RRP1: variants seen among roughly 807,000 people sequenced by gnomAD.
RRP1 encodes the protein ribosomal RNA processing 1, also known as ribosomal RNA processing protein 1 homolog A.
In RRP1, 37 loss-of-function variants were observed where a neutral mutation model predicts 54.6. The observed-to-expected ratio is 0.68, with a 90% CI of 0.52 to 0.89. The LOEUF (loss-of-function observed/expected upper bound fraction) is 0.89, where lower values mean the gene tolerates loss of function less well. RRP1 is among the 40% of genes least tolerant of loss of function. RRP1 has a pLI of 0.00. For missense variants in RRP1, 639 were observed against 612.5 expected (o/e 1.04, Z -0.46); for synonymous variants, 262 against 244.3 (o/e 1.07, Z -0.67).
chr21:43,790,911 C>T lies in RRP1; in HGVS notation c.134-439C>T, dbSNP rs1209159325. On this transcript the variant is annotated intron_variant, in intron 1 of 12. Transcript: ENST00000497547. Reference sequence around the variant, plus strand: ...TGGCCTCAGTAATTTCTGTTTCTCTCGTAGTCTGAATGCCTGAGTTCACTT... The same window carrying T: ...TGGCCTCAGTAATTTCTGTTTCTCTTGTAGTCTGAATGCCTGAGTTCACTT... 17 of 443,412 alleles carry T rather than the reference C, an allele frequency of 3.8e-5. No individual in the cohort carries two copies. In the East Asian group the frequency reaches 9.2e-4, roughly 24 times the overall value. The allele number at this position is 443,412 out of a possible 1,614,324, so 27.5% of individuals were successfully genotyped here. A position where few individuals can be genotyped will look rare whatever the true frequency, so the allele number is the denominator to read the frequency against.
At position 43,800,531 on chromosome 21, in the gene RRP1, A is replaced by G. The variant is rs2085075872; in HGVS notation, c.906A>G (p.Ala302=). 1.2e-6 allele frequency: 2 copies of G among 1,614,248 alleles called. No homozygotes were observed. Among genetic ancestry groups the G allele is most frequent in the Non-Finnish European group, 1.7e-6 (2 of 1,180,018 alleles). The change falls in exon 10 of 13, where the codon GCA becomes GCG. Residue 302 remains alanine, a synonymous_variant. Transcript: ENST00000497547. The stretch of plus-strand genomic sequence containing the variant: ...TTTTGAAACAGTTTGACTACGAGGC[A>G]GTTGCTAACAGACTGTTTGAAATGG... ...GGPVLQFDYE[A]VANRLFEMAS...
chr21:43,800,637 TCCTCCCTGCTCC>T, intron 10 of RRP1, 23 bp downstream of exon 10: 1 of 1,593,634 alleles, frequency 6.3e-7, no homozygotes, highest in African/African-American at 1.3e-5. Context: ...GGGCGCTGCG[TCCTCCCTGCTCC>T]CCTTGGAGTT....
chr21:43,803,533 C>T lies in RRP1; in HGVS notation c.1145C>T (p.Pro382Leu), dbSNP rs563040118. Residue 382 changes from proline (P) to leucine (L), a missense_variant, in exon 13 of 13, where the codon CCG becomes CTG. Physicochemically the swap from Pro to Leu is moderately conservative, Grantham distance 98 (BLOSUM62 -3). Coordinates refer to ENST00000497547, the MANE Select transcript of RRP1 (RefSeq NM_003683.6). ...QERGKGEKEP[P>L]SPGMERKRSR... ...TCAGGGAAAGGTGAGAAGGAGCCCC[C>T]GAGCCCGGGCATGGAGAGGAAGAGG... is the stretch of plus-strand genomic sequence containing the variant. 10 of 1,556,930 alleles carry T rather than the reference C, an allele frequency of 6.4e-6. No individual in the cohort carries two copies. Among genetic ancestry groups the T allele is most frequent in the East Asian group, 4.8e-5 (2 of 41,904 alleles).
At chr21:43,799,727 G>C (rs1458961468) in intron 9 of RRP1, 78 bp downstream of exon 9, 2 of 1,348,368 alleles carry the variant, frequency 1.5e-6, no homozygotes, top group Admixed American at 3.9e-5. Flanking sequence ...GAGGAGGGGG[G>C]CGTTAGGAGG....
chr21:43,797,577 T>C (rs771098305), intron 6 of RRP1, 26 bp downstream of exon 6: 1 of 1,613,866 alleles, frequency 6.2e-7, no homozygotes, highest in Non-Finnish European at 8.5e-7. Context: ...GACGGGGCGG[T>C]GGAGCTGGGC....
rs151202428 is a variant in RRP1, at chr21:43,794,311, G to A, written c.361-878G>A. Among the ~76,000 whole-genome samples, 946 of 152,328 alleles carry A rather than the reference G, an allele frequency of 6.2e-3. 13 individuals are homozygous for A. The highest frequency in any genetic ancestry group is 6.9e-3 in the Non-Finnish European group (467 of 68,022). ...CTTAGGGACAATGGGGCTCTGCAGG[G>A]AGGCCACCCTACTGTTTTGCTGAGA... On this transcript the variant is annotated intron_variant, in intron 4 of 12. Coordinates refer to ENST00000497547, the MANE Select transcript of RRP1 (RefSeq NM_003683.6).
chr21:43,801,019 G>A lies in RRP1; in HGVS notation c.1009+138G>A, dbSNP rs183721433. 2.9e-5 allele frequency: 27 copies of A among 938,902 alleles called. No homozygotes were observed. In the East Asian group the frequency reaches 6.6e-4, roughly 23 times the overall value. The allele number at this position is 938,902 out of a possible 1,614,324, so 58.2% of individuals were successfully genotyped here. A position where few individuals can be genotyped will look rare whatever the true frequency, so the allele number is the denominator to read the frequency against. On this transcript the variant is annotated intron_variant, in intron 11 of 12. Coordinates refer to ENST00000497547, the MANE Select transcript of RRP1 (RefSeq NM_003683.6). ...GGCCTGGTGGTGTTTCTGAGGGACA[G>A]GGAGGCAGGGCGCAGGGTTCCACAG...
chr21:43,797,724 G>T, intron 7 of RRP1, 29 bp downstream of exon 7: 2 of 1,610,198 alleles, frequency 1.2e-6, no homozygotes, highest in South Asian at 2.2e-5. Context: ...GATCGGGCCC[G>T]ACTCCTTCAC....
In RRP1 at chr21:43,803,827, C is replaced by T. The variant is rs73906621; in HGVS notation, c.*53C>T. On this transcript the variant is annotated 3_prime_UTR_variant, in exon 13 of 13. Transcript: ENST00000497547. ...GGGAGGCCAGGCCTCGCTTGCACCG[C>T]GGGACGAGGCTGACCGGGCTGTTCT... 1,350 of 1,496,438 alleles carry T rather than the reference C, an allele frequency of 9.0e-4. 16 individuals are homozygous for T. In the African/African-American group the frequency reaches 0.017, roughly 19 times the overall value. The allele number at this position is 1,496,438 out of a possible 1,614,324, so 92.7% of individuals were successfully genotyped here.
rs377201851 is a variant in RRP1, at chr21:43,800,286, TGTGCCCCGCAGTGC to T, written c.892-215_892-202del. On this transcript the variant is annotated intron_variant, in intron 9 of 12. Coordinates refer to ENST00000497547, the MANE Select transcript of RRP1 (RefSeq NM_003683.6). Reference sequence around the variant, plus strand: ...GCCCCGCAGTGTGCATCTTCCAGAGTGTGCCCCGCAGTGCGTGCCCCGCAGTGCGCCCGCAGCTT... The same window carrying T: ...GCCCCGCAGTGTGCATCTTCCAGAGTGTGCCCCGCAGTGCGCCCGCAGCTT... 3.8e-3 allele frequency among the ~76,000 whole-genome samples: 578 copies of T among 152,004 alleles called. 3 individuals carry two copies. Among genetic ancestry groups the T allele is most frequent in the East Asian group, 0.013 (67 of 5,166 alleles).
chr21:43,798,430 C>A (rs1363664012), intron 8 of RRP1, among the ~76,000 whole-genome samples: 2 of 152,186 alleles, frequency 1.3e-5, no homozygotes, highest in Non-Finnish European at 2.9e-5. Context: ...TCTCTCCCCC[C>A]ATCACTCTCT....
chr21:43,797,212 A>G (rs1537120), intron 5 of RRP1: 129,286 of 671,978 alleles, frequency 0.19, 14,065 homozygotes, highest in African/African-American at 0.32. Context: ...CTGGTCACAT[A>G]ACTCCCTAAC....
rs1011863171 is a variant in RRP1 at position 43,789,583 on chromosome 21, C to G, written c.-47C>G. 3 of 1,560,622 alleles carry G rather than the reference C, an allele frequency of 1.9e-6. No homozygotes were observed. Among genetic ancestry groups the G allele is most frequent in the Non-Finnish European group, 2.6e-6 (3 of 1,156,468 alleles). ...GCGCAGGAGGCGCGTGCTCAGTGTGCTGGGTACCAGGCGACTCCGGGACAG... is the reference window on the plus strand; with the variant it reads ...GCGCAGGAGGCGCGTGCTCAGTGTGGTGGGTACCAGGCGACTCCGGGACAG... On this transcript the variant is annotated 5_prime_UTR_variant, in exon 1 of 13. Coordinates refer to ENST00000497547, the MANE Select transcript of RRP1 (RefSeq NM_003683.6).
chr21:43,795,280 G>T (rs1194786819), intron 5 of RRP1, 30 bp downstream of exon 5: 2 of 1,609,748 alleles, frequency 1.2e-6, no homozygotes, highest in Non-Finnish European at 8.5e-7. Context: ...GCTCTGGGGG[G>T]ACGCTGTTCT....
chr21:43,794,637 T>G (rs1399504860), intron 4 of RRP1, among the ~76,000 whole-genome samples: 4 of 152,194 alleles, frequency 2.6e-5, no homozygotes, highest in Non-Finnish European at 4.4e-5. Flanking sequence ...GGGGGACAAC[T>G]GCAGAAGGGT....
chr21:43,795,126 G>C (rs73906614), intron 4 of RRP1, 63 bp from the exon 5 acceptor site: 1 of 1,462,814 alleles, frequency 6.8e-7, no homozygotes, highest in Non-Finnish European at 9.6e-7. Context: ...GGTACATGGG[G>C]ATGGGTGGTC....
At chr21:43,800,917 T>C (rs780307424) in intron 11 of RRP1, 36 bp downstream of exon 11, 1 of 1,611,922 alleles carries the variant, frequency 6.2e-7, no homozygotes, top group South Asian at 1.1e-5. Flanking sequence ...TGGCACCACC[T>C]TGGAGGTGGA....
rs145975341 is a variant in RRP1 at position 43,793,236 on chromosome 21, C to T, written c.275-83C>T. The T allele has an allele frequency of 4.3e-5, 51 of 1,198,918 alleles. No individual in the cohort carries two copies. In the African/African-American group the frequency reaches 5.3e-4, roughly 12 times the overall value. The allele number at this position is 1,198,918 out of a possible 1,614,324, so 74.3% of individuals were successfully genotyped here. A position where few individuals can be genotyped will look rare whatever the true frequency, so the allele number is the denominator to read the frequency against. Reference sequence around the variant, plus strand: ...TTTTTATCTATAGCTATGTAAAGAACGGGTTCCTCCATGTTCTCACCTCCC... The same window carrying T: ...TTTTTATCTATAGCTATGTAAAGAATGGGTTCCTCCATGTTCTCACCTCCC... On this transcript the variant is annotated intron_variant, in intron 3 of 12. Transcript: ENST00000497547.
At chr21:43,802,986 A>T (rs1482299643) in intron 12 of RRP1, among the ~76,000 whole-genome samples, 1 of 152,208 alleles carries the variant, frequency 6.6e-6, no homozygotes, top group African/African-American at 2.4e-5. Flanking sequence ...GGTGCAGAGG[A>T]GGCACATGGT....
Sources: gnomAD v4.1 joint callset for allele counts (sites outside exome capture counted in the v4.1 genomes callset) on GRCh38, gnomAD v4.1.1 for gene constraint, MANE v1.5 for transcripts, NCBI Gene and HGNC (gene_info 2026-07-23, HGNC 2026-07-21) for gene names.